The following COG5 variants were observed in gnomAD, a reference collection of about 807,000 sequenced individuals.
The protein encoded by COG5 is conserved oligomeric Golgi complex subunit 5.
A neutral mutation model predicts 110.4 loss-of-function variants in COG5; 86 were observed. The ratio of observed to expected loss-of-function variants is 0.78; its 90% CI spans 0.65 to 0.93. COG5 has a LOEUF of 0.93. Ranked by LOEUF, COG5 falls within the 40% of genes least tolerant of loss-of-function variation. COG5 has a pLI of 0.00. For synonymous variants in COG5, 360 were observed against 334.6 expected (o/e 1.08, Z -0.83); for missense variants, 1,077 against 987.0 (o/e 1.09, Z -1.22).
At chr7:107,317,781 T>G (rs1459769548) in intron 11 of COG5, among the ~76,000 whole-genome samples, 1 of 152,180 alleles carries the variant, frequency 6.6e-6, no homozygotes, top group Non-Finnish European at 1.5e-5. Flanking sequence ...TCAGGTCTGA[T>G]GGAAAGAAAA....
intron 7 of COG5, among the ~76,000 whole-genome samples, chr7:107,378,524 G>T (rs1562998894): frequency 6.6e-6 from 1 of 151,992 alleles, no homozygotes. Flanking sequence ...TAAGAACCTT[G>T]AAAAAAGGTT....
intron 6 of COG5, among the ~76,000 whole-genome samples, chr7:107,496,526 G>C (rs1798280778): frequency 1.3e-5 from 2 of 151,912 alleles, no homozygotes; most frequent in Non-Finnish European, 2.9e-5. Flanking sequence ...TGGGTTTGAT[G>C]GTATGCGCCT....
chr7:107,367,363 T>C (rs762788115), intron 8 of COG5, among the ~76,000 whole-genome samples: 1 of 151,736 alleles, frequency 6.6e-6, no homozygotes, highest in Non-Finnish European at 1.5e-5. Flanking sequence ...CTATGGAAAA[T>C]AGTACAGAGA....
In COG5 at chr7:107,527,306, TCTTA is replaced by T; in HGVS notation, c.465_468del (p.Ser155ArgfsTer14). On this transcript the variant is annotated frameshift_variant, in exon 6 of 22. Transcript: ENST00000297135. LOFTEE classifies it high-confidence loss of function. ...CCCCCTTGCAGTTGTCCTTGGAGTC[TCTTA>T]CTGAGATTCAAGATACGAATAATCC... 1 of 1,613,164 alleles carries T rather than the reference TCTTA, an allele frequency of 6.2e-7. No homozygotes were observed. Among genetic ancestry groups the T allele is most frequent in the African/African-American group, 1.3e-5 (1 of 74,936 alleles).
intron 6 of COG5, among the ~76,000 whole-genome samples, chr7:107,511,331 C>G (rs1448174168): frequency 6.6e-6 from 1 of 152,132 alleles, no homozygotes; most frequent in East Asian, 1.9e-4. Context: ...TACACCATCC[C>G]AAGACTAAAA....
intron 10 of COG5, among the ~76,000 whole-genome samples, chr7:107,354,121 C>A (rs1015422829): frequency 8.5e-5 from 13 of 152,122 alleles, no homozygotes; most frequent in African/African-American, 3.1e-4. Flanking sequence ...GTTATAGCAA[C>A]AAAATTACCA....
At chr7:107,254,680 A>G (rs909411808) in intron 16 of COG5, among the ~76,000 whole-genome samples, 1 of 152,192 alleles carries the variant, frequency 6.6e-6, no homozygotes, top group Admixed American at 6.5e-5. Context: ...CACTGACTCC[A>G]GCTAATATAT....
chr7:107,550,049 T>C (rs1584957356), intron 3 of COG5, among the ~76,000 whole-genome samples: 1 of 152,270 alleles, frequency 6.6e-6, no homozygotes, highest in East Asian at 1.9e-4. Flanking sequence ...AAATGTAAGA[T>C]ACCCAAGACA....
rs1281689688 is a variant in COG5, at chr7:107,203,296, C to T, written c.*220G>A. ...AAATCTGAAAGAGGAAAACATCTTT[C>T]TGGAAAAATCAGGTCCATGGAATTG... On this transcript the variant is annotated 3_prime_UTR_variant, in exon 22 of 22. Coordinates refer to ENST00000297135, the MANE Select transcript of COG5 (RefSeq NM_006348.5). 5.3e-6 allele frequency: 3 copies of T among 566,444 alleles called. No homozygotes were observed. The East Asian group carries it at 9.1e-5, about 17-fold the overall frequency. The allele number at this position is 566,444 out of a possible 1,614,324, so 35.1% of individuals were successfully genotyped here.
chr7:107,513,241 A>G (rs1273152711), intron 6 of COG5, among the ~76,000 whole-genome samples: 2 of 152,222 alleles, frequency 1.3e-5, no homozygotes, highest in African/African-American at 2.4e-5. Context: ...GGCAAAGGAT[A>G]TGAACAGACA....
intron 6 of COG5, among the ~76,000 whole-genome samples, chr7:107,460,635 C>T (rs907668312): frequency 6.6e-6 from 1 of 151,702 alleles, no homozygotes; most frequent in Non-Finnish European, 1.5e-5. Context: ...AGAAAAAGAA[C>T]ATAACAACAT....
At chr7:107,349,508 C>T (rs1298441829) in intron 10 of COG5, among the ~76,000 whole-genome samples, 1 of 151,762 alleles carries the variant, frequency 6.6e-6, no homozygotes, top group African/African-American at 2.4e-5. Context: ...AAGTGATTCT[C>T]TCCTGCCTCG....
At chr7:107,279,699 T>C (rs1805013428) in intron 14 of COG5, among the ~76,000 whole-genome samples, 1 of 152,126 alleles carries the variant, frequency 6.6e-6, no homozygotes, top group Non-Finnish European at 1.5e-5. Flanking sequence ...TATTTAATGC[T>C]TAAGCTTCCC....
intron 6 of COG5, among the ~76,000 whole-genome samples, chr7:107,457,511 C>T (rs1279260904): frequency 2.6e-5 from 4 of 152,118 alleles, no homozygotes; most frequent in African/African-American, 7.2e-5. Context: ...TCACTGCAAG[C>T]GCCGCCTCCC....
intron 14 of COG5, among the ~76,000 whole-genome samples, chr7:107,278,002 T>C (rs1157187162): frequency 6.6e-6 from 1 of 152,158 alleles, no homozygotes; most frequent in Non-Finnish European, 1.5e-5. Flanking sequence ...TTTATAAGCC[T>C]TTCTCCTGAT....
At chr7:107,558,177 C>T in intron 1 of COG5, 62 bp from the exon 2 acceptor site, 1 of 1,505,756 alleles carries the variant, frequency 6.6e-7, no homozygotes, top group Non-Finnish European at 9.2e-7. Context: ...AGTTATTAAA[C>T]AACAGAACAA....
chr7:107,369,201 T>C (rs1813895031), intron 8 of COG5, among the ~76,000 whole-genome samples: 1 of 152,200 alleles, frequency 6.6e-6, no homozygotes, highest in African/African-American at 2.4e-5. Flanking sequence ...GTCATATTCT[T>C]AGGCTTTAAA....
chr7:107,225,438 A>G (rs1800266306), intron 19 of COG5, among the ~76,000 whole-genome samples: 3 of 152,238 alleles, frequency 2.0e-5, no homozygotes, highest in Admixed American at 2.0e-4. Context: ...AAAAACCCCA[A>G]GTGACAATCT....
rs539804996 is a variant in COG5, at chr7:107,350,019, A to C, written c.1026+12014T>G. ...GATTTTACCTGTTCGTTTTTCTTAG[A>C]TGCCTTTCATTAGGTTGAGAAAGCT... On this transcript the variant is annotated intron_variant, in intron 10 of 21. Coordinates refer to ENST00000297135, the MANE Select transcript of COG5 (RefSeq NM_006348.5). 3.9e-5 allele frequency among the ~76,000 whole-genome samples: 6 copies of C among 152,280 alleles called. 1 individual carries two copies. In the South Asian group the frequency reaches 1.2e-3, roughly 32 times the overall value.
Sources: gnomAD v4.1 joint callset for allele counts (sites outside exome capture counted in the v4.1 genomes callset) on GRCh38, gnomAD v4.1.1 for gene constraint, MANE v1.5 for transcripts, NCBI Gene and HGNC (gene_info 2026-07-23, HGNC 2026-07-21) for gene names.